The following SCHIP1 variants were observed in gnomAD, a reference collection of about 807,000 sequenced individuals.
The protein encoded by SCHIP1 is schwannomin-interacting protein 1.
Under a neutral mutation model 29.7 loss-of-function variants are expected in SCHIP1, and 8 were observed. The ratio of observed to expected loss-of-function variants is 0.27; its 90% CI spans 0.16 to 0.49. SCHIP1 has a LOEUF of 0.49. Among genes scored for constraint, SCHIP1 ranks in the 20% least tolerant of loss-of-function variants. The pLI, the probability that SCHIP1 is intolerant of heterozygous loss-of-function variation, is 0.99. For missense variants in SCHIP1, 193 were observed against 294.6 expected, an observed-to-expected ratio of 0.66 and a Z score of 2.52; for synonymous variants, 76 against 94.9, an observed-to-expected ratio of 0.80 and a Z score of 1.16.
chr3:159,675,779 C>G, the SCHIP1 span, among the ~76,000 whole-genome samples: 1 of 152,182 alleles, frequency 6.6e-6, no homozygotes. Flanking sequence ...GCTGTCTCCC[C>G]ATCTTTGTCC....
At chr3:159,574,070 C>G in the SCHIP1 span, among the ~76,000 whole-genome samples, 6 of 150,808 alleles carry the variant, frequency 4.0e-5, no homozygotes, top group Admixed American at 6.6e-5. Context: ...TCCTTTGGCT[C>G]AGAGAAGTTT....
the SCHIP1 span, among the ~76,000 whole-genome samples, chr3:159,574,478 G>C: frequency 6.6e-6 from 1 of 152,176 alleles, no homozygotes; most frequent in Non-Finnish European, 1.5e-5. Flanking sequence ...TCCTTCCTCT[G>C]GAAGCTTCGT....
chr3:159,527,337 C>T, the SCHIP1 span, among the ~76,000 whole-genome samples: 3 of 152,188 alleles, frequency 2.0e-5, no homozygotes. Context: ...GGGCCTCTGT[C>T]AGGACAACAA....
the SCHIP1 span, among the ~76,000 whole-genome samples, chr3:159,511,092 T>C: frequency 5.9e-5 from 9 of 152,222 alleles, no homozygotes; most frequent in Admixed American, 4.6e-4. Flanking sequence ...CCCACAGGCC[T>C]CCTTGAGCTG....
chr3:159,398,971 G>T, the SCHIP1 span: 5 of 982,926 alleles, frequency 5.1e-6, no homozygotes, highest in Non-Finnish European at 6.0e-6. Flanking sequence ...AATTTGCCCA[G>T]TCTACAGCCC....
the SCHIP1 span, among the ~76,000 whole-genome samples, chr3:159,798,274 C>T: frequency 6.6e-6 from 1 of 152,152 alleles, no homozygotes; most frequent in Non-Finnish European, 1.5e-5. Flanking sequence ...GCCATGTGAC[C>T]TTGAGCAAAT....
the SCHIP1 span, among the ~76,000 whole-genome samples, chr3:159,479,527 T>C: frequency 3.7e-4 from 56 of 152,310 alleles, no homozygotes; most frequent in African/African-American, 1.2e-3. Flanking sequence ...CTTTATATAA[T>C]TAGACAAGTT....
the SCHIP1 span, among the ~76,000 whole-genome samples, chr3:159,758,525 A>G: frequency 1.3e-5 from 1 of 77,804 alleles, no homozygotes; most frequent in Non-Finnish European, 2.6e-5. Flanking sequence ...CTGGAAAAAG[A>G]AAAAAACAAG....
the SCHIP1 span, chr3:159,765,148 C>T: frequency 6.5e-7 from 1 of 1,549,992 alleles, no homozygotes; most frequent in Non-Finnish European, 8.7e-7. Flanking sequence ...CGTAAGTTGG[C>T]CGGGGTGCGT....
rs1410016313 is a variant in SCHIP1, at chr3:159,861,728, T to TAA, written c.31-4434_31-4433dup. The stretch of plus-strand genomic sequence containing the variant: ...TGCCCTTTGTTTTTGCTAGCAATAC[T>TAA]AATTTTAGATGTTGTACTTTTGTTT... On this transcript the variant is annotated intron_variant, in intron 1 of 6. Transcript: ENST00000445224. This position sits in a 1 kb window ranked among gnomAD's most constrained non-coding sequence, Gnocchi z 4.1. 3.9e-5 allele frequency among the ~76,000 whole-genome samples: 6 copies of TAA among 152,232 alleles called. No homozygotes were observed. Among genetic ancestry groups the TAA allele is most frequent in the Non-Finnish European group, 7.3e-5 (5 of 68,044 alleles).
chr3:159,510,198 C>T, the SCHIP1 span, among the ~76,000 whole-genome samples: 1 of 152,182 alleles, frequency 6.6e-6, no homozygotes, highest in Non-Finnish European at 1.5e-5. Flanking sequence ...AACTTCTCTT[C>T]TCATTTCATT....
chr3:159,755,521 G>A, the SCHIP1 span, among the ~76,000 whole-genome samples: 2 of 152,186 alleles, frequency 1.3e-5, no homozygotes, highest in Non-Finnish European at 2.9e-5. Context: ...GCTACAAGAT[G>A]AGACTTGGGT....
At chr3:159,465,149 A>G in the SCHIP1 span, among the ~76,000 whole-genome samples, 13 of 152,134 alleles carry the variant, frequency 8.5e-5, no homozygotes, top group African/African-American at 3.1e-4. Context: ...GCTCACTGTC[A>G]GGGAGCTAAG....
At chr3:159,496,090 T>C in the SCHIP1 span, among the ~76,000 whole-genome samples, 782 of 152,314 alleles carry the variant, frequency 5.1e-3, 6 homozygotes, top group Middle Eastern at 0.01. Flanking sequence ...TTACACCTTA[T>C]ACAAAAATTA....
the SCHIP1 span, among the ~76,000 whole-genome samples, chr3:159,689,269 T>G: frequency 1.3e-5 from 2 of 152,234 alleles, no homozygotes; most frequent in Admixed American, 6.5e-5. Flanking sequence ...CCTCTCTTAT[T>G]TCCTTGAACA....
chr3:159,705,951 C>A, the SCHIP1 span, among the ~76,000 whole-genome samples: 1 of 152,140 alleles, frequency 6.6e-6, no homozygotes, highest in Non-Finnish European at 1.5e-5. Context: ...ATGATCCACC[C>A]GCCTCGGCCT....
chr3:159,360,561 C>T, the SCHIP1 span, among the ~76,000 whole-genome samples: 2 of 152,154 alleles, frequency 1.3e-5, no homozygotes, highest in South Asian at 2.1e-4. Flanking sequence ...GTTTAGGTTT[C>T]GAGCTATGAA....
At chr3:159,730,073 C>T in the SCHIP1 span, among the ~76,000 whole-genome samples, 1 of 152,034 alleles carries the variant, frequency 6.6e-6, no homozygotes, top group Admixed American at 6.6e-5. Flanking sequence ...ATATGTATGT[C>T]CATATAAATT....
At chr3:159,621,004 A>T in the SCHIP1 span, among the ~76,000 whole-genome samples, 1 of 152,340 alleles carries the variant, frequency 6.6e-6, no homozygotes, top group East Asian at 1.9e-4. Context: ...ATAACATTTC[A>T]ACATGCCTTT....
Sources: gnomAD v4.1 joint callset for allele counts (sites outside exome capture counted in the v4.1 genomes callset) on GRCh38, gnomAD v4.1.1 for gene constraint, Gnocchi (gnomAD v3.1) non-coding constraint, MANE v1.5 for transcripts, NCBI Gene and HGNC (gene_info 2026-07-23, HGNC 2026-07-21) for gene names.